VAV1: variants seen among roughly 807,000 people sequenced by gnomAD.
VAV1 encodes the protein proto-oncogene vav.
Under a neutral mutation model 128.1 loss-of-function variants are expected in VAV1, and 33 were observed. The observed-to-expected ratio is 0.26, with a 90% confidence interval of 0.20 to 0.34. The LOEUF is 0.34. VAV1 is among the 10% of genes least tolerant of loss of function. VAV1 has a pLI of 1.00. For synonymous variants in VAV1, 394 were observed against 409.8 expected, an observed-to-expected ratio of 0.96 and a Z score of 0.47; for missense variants, 715 against 1,093.7, an observed-to-expected ratio of 0.65 and a Z score of 4.88.
At chr19:6,774,684 C>T (rs1443603203) in intron 1 of VAV1, among the ~76,000 whole-genome samples, 1 of 151,970 alleles carries the variant, frequency 6.6e-6, no homozygotes, top group African/African-American at 2.4e-5. Flanking sequence ...ATCCACCCAC[C>T]TCGGCCTTCC....
chr19:6,851,047 T>C (rs1037316837), intron 24 of VAV1, among the ~76,000 whole-genome samples: 6 of 152,166 alleles, frequency 3.9e-5, no homozygotes, highest in Non-Finnish European at 7.4e-5. Flanking sequence ...TATATGCATA[T>C]ATACATACAT....
chr19:6,828,217 T>A lies in VAV1; in HGVS notation c.1023+46T>A. 1 of 1,606,406 alleles carries A rather than the reference T, an allele frequency of 6.2e-7. No individual in the cohort carries two copies. ...CGTGGGCTCCACGTACCTACTCTCCTGTGTCTATAAAAGTGGGGACGGGGC... is the reference window on the plus strand; with the variant it reads ...CGTGGGCTCCACGTACCTACTCTCCAGTGTCTATAAAAGTGGGGACGGGGC... On this transcript the variant is annotated intron_variant, in intron 10 of 26. Transcript: ENST00000602142. This position sits in a 1 kb window ranked among gnomAD's most constrained non-coding sequence, Gnocchi z 4.5.
rs764489679 is a variant in VAV1, at chr19:6,822,233, G to C, written c.462G>C (p.Glu154Asp). Residue 154 changes from glutamate to aspartate, a missense_variant, in exon 5 of 27, where the codon GAG (glutamate) becomes GAC (aspartate). Glu to Asp is a conservative substitution (Grantham distance 45). Coordinates refer to ENST00000602142, the MANE Select transcript of VAV1 (RefSeq NM_005428.4). This position sits in a 1 kb window ranked among gnomAD's most constrained non-coding sequence, Gnocchi z 5.9. ...GLSDQIDDTV[E>D]EDEDLYDCVE... ...TCACAACCCACAGCGACACGGTGGA[G>C]GAGGATGAGGACCTGTATGACTGCG... 9 of 1,584,008 alleles carry C rather than the reference G, an allele frequency of 5.7e-6. 1 individual carries two copies. The South Asian group carries it at 1.0e-4, about 18-fold the overall frequency.
intron 1 of VAV1, among the ~76,000 whole-genome samples, chr19:6,814,030 G>A (rs1971569186): frequency 6.6e-6 from 1 of 152,034 alleles, no homozygotes; most frequent in South Asian, 2.1e-4. Flanking sequence ...ACTCCACTCC[G>A]GCCTGGGTGA....
chr19:6,821,760 G>C (rs1245404704), intron 3 of VAV1, 31 bp from the exon 4 acceptor site: 2 of 1,613,668 alleles, frequency 1.2e-6, no homozygotes, highest in Non-Finnish European at 1.7e-6. Context: ...CAGCCCCCAG[G>C]CCCCTGGCTC....
At chr19:6,810,758 A>T (rs1319582919) in intron 1 of VAV1, among the ~76,000 whole-genome samples, 1 of 152,046 alleles carries the variant, frequency 6.6e-6, no homozygotes, top group Admixed American at 6.6e-5. Context: ...AGTGTTGAAA[A>T]TCATCTTGGG....
At chr19:6,836,622 G>C in intron 20 of VAV1, 54 bp downstream of exon 20, 1 of 1,600,042 alleles carries the variant, frequency 6.2e-7, no homozygotes, top group Non-Finnish European at 8.5e-7. Context: ...TAGGGTTATG[G>C]ATTCATGTGG....
chr19:6,856,212 G>A lies in VAV1; in HGVS notation c.2485-842G>A, dbSNP rs144875056. On this transcript the variant is annotated intron_variant, in intron 26 of 26. Coordinates refer to ENST00000602142, the MANE Select transcript of VAV1 (RefSeq NM_005428.4). Reference sequence around the variant, plus strand: ...CTCGTTAAGCTGAGGCAGGAGAATCGCTTGAACCCAGGAGGCGGAGGCTGT... The same window carrying A: ...CTCGTTAAGCTGAGGCAGGAGAATCACTTGAACCCAGGAGGCGGAGGCTGT... Among the ~76,000 whole-genome samples, 1,019 of 151,076 alleles carry A rather than the reference G, an allele frequency of 6.7e-3. 10 individuals carry two copies. Among genetic ancestry groups the A allele is most frequent in the African/African-American group, 0.024 (979 of 41,134 alleles).
chr19:6,788,259 T>C (rs901250630), intron 1 of VAV1, among the ~76,000 whole-genome samples: 6 of 151,930 alleles, frequency 3.9e-5, no homozygotes, highest in Non-Finnish European at 7.4e-5. Context: ...TTCTCATCAC[T>C]CTGAGTTCGA....
In VAV1 at chr19:6,822,554, GGGAGCTGGGCCGGCA is replaced by G. The variant is rs1357084228; in HGVS notation, c.654+43_654+57del. On this transcript the variant is annotated intron_variant, in intron 6 of 26. Coordinates refer to ENST00000602142, the MANE Select transcript of VAV1 (RefSeq NM_005428.4). The surrounding 1 kb of genome is among the most constrained non-coding windows in gnomAD (Gnocchi z 5.9). ...CCCAGCGCCTGCCGGGCGCATGCGC[GGGAGCTGGGCCGGCA>G]GGTGCACGTCCACCTGTCCGGCCGC... 26 of 1,529,924 alleles carry G rather than the reference GGGAGCTGGGCCGGCA, an allele frequency of 1.7e-5. No individual in the cohort carries two copies. The highest frequency in any genetic ancestry group is 2.3e-5 in the Non-Finnish European group (26 of 1,137,726). The allele number at this position is 1,529,924 out of a possible 1,614,324, so 94.8% of individuals were successfully genotyped here.
chr19:6,799,967 A>G (rs1971229004), intron 1 of VAV1, among the ~76,000 whole-genome samples: 1 of 151,790 alleles, frequency 6.6e-6, no homozygotes, highest in African/African-American at 2.4e-5. Context: ...CTGGTAATGG[A>G]ATATATCGTA....
chr19:6,774,427 CTTTTTTTT>C (rs1002823385), intron 1 of VAV1, among the ~76,000 whole-genome samples: 4 of 91,568 alleles, frequency 4.4e-5, no homozygotes, highest in South Asian at 3.6e-4. Context: ...CGCGCCCAGC[CTTTTTTTT>C]TTTTTTTTTT....
rs959490320 is a variant in VAV1, at chr19:6,827,082, T to A, written c.927+371T>A. 5.9e-5 allele frequency: 15 copies of A among 255,462 alleles called. No individual in the cohort carries two copies. The South Asian group carries it at 8.5e-4, about 14-fold the overall frequency. 15.8% of individuals were successfully genotyped at this position (255,462 alleles called of 1,614,324 possible). A position where few individuals can be genotyped will look rare whatever the true frequency, so the allele number is the denominator to read the frequency against. On this transcript the variant is annotated intron_variant, in intron 9 of 26. Coordinates refer to ENST00000602142, the MANE Select transcript of VAV1 (RefSeq NM_005428.4). ...ACCCCTGATCCCAGGCTGAACTTGA[T>A]CTTGAACTGAACTTCAACCTGGATC...
intron 22 of VAV1, 85 bp downstream of exon 22, chr19:6,843,251 ATTAG>A (rs1398495674): frequency 2.3e-5 from 33 of 1,461,838 alleles, no homozygotes; most frequent in Non-Finnish European, 2.9e-5. Context: ...CTCCGAGCCA[ATTAG>A]TTATGCATTC....
chr19:6,835,976 T>G (rs1026855202), intron 19 of VAV1: 9 of 155,098 alleles, frequency 5.8e-5, no homozygotes, highest in African/African-American at 2.2e-4. Context: ...GGAGTTCAAG[T>G]GATTCTCCTG....
In VAV1 at chr19:6,856,683, C is replaced by T. The variant is rs544248145; in HGVS notation, c.2485-371C>T. Among the ~76,000 whole-genome samples, 30 of 145,582 alleles carry T rather than the reference C, an allele frequency of 2.1e-4. 1 individual carries two copies. Among genetic ancestry groups the T allele is most frequent in the African/African-American group, 6.9e-4 (27 of 39,250 alleles). On this transcript the variant is annotated intron_variant, in intron 26 of 26. Coordinates refer to ENST00000602142, the MANE Select transcript of VAV1 (RefSeq NM_005428.4). ...AGGTTGCAATAAGCTGAGATTGCGC[C>T]ATTGCACTCCAGCCTAGGGGGCAGA... is the stretch of plus-strand genomic sequence containing the variant.
chr19:6,830,067 T>A, intron 14 of VAV1, 149 bp downstream of exon 14: 1 of 1,351,414 alleles, frequency 7.4e-7, no homozygotes, highest in Non-Finnish European at 1.0e-6. Context: ...GTTTGTTTTG[T>A]TCTGTTTTTT....
chr19:6,825,425 G>A lies in VAV1; in HGVS notation c.827+19G>A. The A allele has an allele frequency of 6.2e-7, 1 of 1,600,050 alleles. No homozygotes were observed. On this transcript the variant is annotated intron_variant, in intron 8 of 26. Transcript: ENST00000602142. ...AGGAGAGGTGAGACCCAGCTGGCCA[G>A]ACTGAAGCTCTGGGGTCACTCTGTC...
At chr19:6,833,660 G>C (rs368911059) in intron 17 of VAV1, 35 bp downstream of exon 17, 1 of 1,614,102 alleles carries the variant, frequency 6.2e-7, no homozygotes. Flanking sequence ...GGTGAGCTTG[G>C]TTCTCTTTGG....
Sources: allele counts gnomAD v4.1 joint callset (sites outside exome capture counted in the v4.1 genomes callset), GRCh38; gene constraint gnomAD v4.1.1; non-coding constraint Gnocchi (gnomAD v3.1); transcripts MANE v1.5; gene names NCBI Gene and HGNC (gene_info 2026-07-23, HGNC 2026-07-21).